SEMA3E: variants seen among roughly 807,000 people sequenced by gnomAD.
SEMA3E encodes semaphorin-3E.
A neutral mutation model predicts 93.6 loss-of-function variants in SEMA3E; 49 were observed. The ratio of observed to expected loss-of-function variants is 0.52; its 90% CI spans 0.42 to 0.66. SEMA3E has a LOEUF of 0.66. Among genes scored for constraint, SEMA3E ranks in the 30% least tolerant of loss-of-function variants. The probability of loss-of-function intolerance (pLI) is 0.00; values close to 1 mark genes in which losing one functional copy is unlikely to be tolerated. For missense variants in SEMA3E, 906 were observed against 964.8 expected (o/e 0.94, Z 0.81); for synonymous variants, 363 against 330.7 (o/e 1.10, Z -1.06).
chr7:83,379,587 C>T (rs1479976122), intron 16 of SEMA3E, among the ~76,000 whole-genome samples: 8 of 151,742 alleles, frequency 5.3e-5, no homozygotes. Context: ...TTTCCCCTTG[C>T]TTTTGGAGTT....
At chr7:83,512,335 G>A (rs545813057) in intron 1 of SEMA3E, among the ~76,000 whole-genome samples, 3 of 152,266 alleles carry the variant, frequency 2.0e-5, no homozygotes, top group Non-Finnish European at 4.4e-5. Context: ...GCAACCCCAC[G>A]TAAGCTGTAT....
chr7:83,641,328 T>C, intron 1 of SEMA3E: 1 of 966,866 alleles, frequency 1.0e-6, no homozygotes, highest in African/African-American at 1.8e-5. Context: ...ACCAGATATC[T>C]TACCTGTTCA....
intron 1 of SEMA3E, among the ~76,000 whole-genome samples, chr7:83,620,841 A>G (rs999700079): frequency 9.2e-5 from 14 of 152,162 alleles, no homozygotes; most frequent in African/African-American, 3.1e-4. Context: ...GAAGTAACAT[A>G]CCTCAAAATT....
chr7:83,432,581 T>C (rs1788911334), intron 4 of SEMA3E, among the ~76,000 whole-genome samples: 1 of 152,126 alleles, frequency 6.6e-6, no homozygotes, highest in African/African-American at 2.4e-5. Flanking sequence ...TAAGAGTCAT[T>C]GAAATGAAAA....
chr7:83,490,881 A>G (rs1562804897), intron 1 of SEMA3E, among the ~76,000 whole-genome samples: 1 of 152,074 alleles, frequency 6.6e-6, no homozygotes, highest in Non-Finnish European at 1.5e-5. Context: ...TTTTACCTAT[A>G]TACATGTAAG....
chr7:83,421,495 A>G lies in SEMA3E; in HGVS notation c.457-3012T>C, dbSNP rs926211449. Reference sequence around the variant, plus strand: ...TACTACAAGTGGTGTGGGTAAAAAAAGTAGTTTAGAAAAGTGACAATAAAA... The same window carrying G: ...TACTACAAGTGGTGTGGGTAAAAAAGGTAGTTTAGAAAAGTGACAATAAAA... On this transcript the variant is annotated intron_variant, in intron 4 of 16. Transcript: ENST00000643230. Among the ~76,000 whole-genome samples, 57 of 114,742 alleles carry G rather than the reference A, an allele frequency of 5.0e-4. 8 individuals are homozygous for G. The highest frequency in any genetic ancestry group is 1.5e-3 in the African/African-American group (54 of 37,168). The allele number at this position is 114,742 out of a possible 152,430, so 75.3% of individuals were successfully genotyped here.
intron 4 of SEMA3E, among the ~76,000 whole-genome samples, chr7:83,430,147 C>G (rs1040190050): frequency 3.3e-5 from 5 of 152,034 alleles, no homozygotes; most frequent in African/African-American, 7.2e-5. Context: ...AGAAAATAGA[C>G]TCTAATTGTC....
Position 83,478,003 on chromosome 7 carries a change from C to A in SEMA3E, c.277-8701G>T, listed in dbSNP as rs577259406. ...TGGCACAATCTCGGCTCACTGCAAC[C>A]TCCACCTCCCAGGTTCAAGTGATTC... On this transcript the variant is annotated intron_variant, in intron 2 of 16. Coordinates refer to ENST00000643230, the MANE Select transcript of SEMA3E (RefSeq NM_012431.3). Among the ~76,000 whole-genome samples, 63 of 152,060 alleles carry A rather than the reference C, an allele frequency of 4.1e-4. 2 individuals are homozygous for A. The South Asian group carries it at 0.01, about 25-fold the overall frequency.
rs145755630 is a variant in SEMA3E at position 83,413,243 on chromosome 7, A to G, written c.551-4756T>C. Among the ~76,000 whole-genome samples the G allele has an allele frequency of 4.1e-3, 624 of 152,182 alleles. 7 individuals are homozygous for G. Among genetic ancestry groups the G allele is most frequent in the African/African-American group, 0.014 (597 of 41,546 alleles). On this transcript the variant is annotated intron_variant, in intron 5 of 16. Transcript: ENST00000643230. ...TGGACTATATATTATCTGAGTTTTT[A>G]TTTACCATGTTGGATTTTAATTGTA...
At chr7:83,578,215 T>C (rs1250547065) in intron 1 of SEMA3E, among the ~76,000 whole-genome samples, 1 of 152,114 alleles carries the variant, frequency 6.6e-6, no homozygotes, top group Non-Finnish European at 1.5e-5. Context: ...AGATTTCTGA[T>C]ATTTAATTTG....
Position 83,545,828 on chromosome 7 carries a change from T to A in SEMA3E, c.116-55554A>T, listed in dbSNP as rs145756231. On this transcript the variant is annotated intron_variant, in intron 1 of 16. Transcript: ENST00000643230. ...ATATATCCAGTATTATATATATATATAATATATATCTCCAGTAGTATGACG... is the reference window on the plus strand; with the variant it reads ...ATATATCCAGTATTATATATATATAAAATATATATCTCCAGTAGTATGACG... Among the ~76,000 whole-genome samples, 372 of 147,112 alleles carry A rather than the reference T, an allele frequency of 2.5e-3. 1 individual carries two copies. Among genetic ancestry groups the A allele is most frequent in the African/African-American group, 8.8e-3 (355 of 40,456 alleles).
intron 1 of SEMA3E, among the ~76,000 whole-genome samples, chr7:83,633,583 A>G (rs186219192): frequency 6.6e-6 from 1 of 152,312 alleles, no homozygotes; most frequent in East Asian, 1.9e-4. Context: ...AGCAGAAGGA[A>G]AGATTATAAA....
Position 83,568,108 on chromosome 7 carries a change from A to C in SEMA3E, c.116-77834T>G, listed in dbSNP as rs116764000. 7.1e-3 allele frequency among the ~76,000 whole-genome samples: 1,082 copies of C among 152,200 alleles called. 11 individuals carry two copies. Among genetic ancestry groups the C allele is most frequent in the African/African-American group, 0.025 (1,024 of 41,560 alleles). On this transcript the variant is annotated intron_variant, in intron 1 of 16. Transcript: ENST00000643230. ...AAGGGATTATTATGAGCAACTATATACTAACAAACTGGAAACCTAGAAGAA... is the reference window on the plus strand; with the variant it reads ...AAGGGATTATTATGAGCAACTATATCCTAACAAACTGGAAACCTAGAAGAA...
chr7:83,466,378 C>T, intron 4 of SEMA3E, 104 bp downstream of exon 4: 1 of 1,383,774 alleles, frequency 7.2e-7, no homozygotes, highest in Non-Finnish European at 1.0e-6. Flanking sequence ...CAGTACATCG[C>T]AAATGCTTTT....
intron 1 of SEMA3E, chr7:83,641,350 G>A: frequency 1.0e-6 from 1 of 984,704 alleles, no homozygotes; most frequent in Non-Finnish European, 1.2e-6. Flanking sequence ...CTAAGGGAAG[G>A]CAAAGTGGGA....
At chr7:83,622,894 G>A (rs1475364092) in intron 1 of SEMA3E, among the ~76,000 whole-genome samples, 1 of 152,084 alleles carries the variant, frequency 6.6e-6, no homozygotes, top group Non-Finnish European at 1.5e-5. Flanking sequence ...TTAATACTTA[G>A]GTGATGTGTT....
chr7:83,613,595 C>T (rs1793307281), intron 1 of SEMA3E, among the ~76,000 whole-genome samples: 1 of 151,998 alleles, frequency 6.6e-6, no homozygotes, highest in Non-Finnish European at 1.5e-5. Context: ...GTATGATTAA[C>T]AAAGCTTTTG....
At chr7:83,370,817 C>T (rs2709967) in intron 16 of SEMA3E, among the ~76,000 whole-genome samples, 148,144 of 152,242 alleles carry the variant, frequency 0.97, 72,207 homozygotes, top group East Asian at 1. Flanking sequence ...ATTAAATTTC[C>T]TGTGTCATCT....
At chr7:83,387,990 T>A (rs1331779209) in intron 14 of SEMA3E, among the ~76,000 whole-genome samples, 1 of 146,442 alleles carries the variant, frequency 6.8e-6, no homozygotes, top group Non-Finnish European at 1.5e-5. Flanking sequence ...ATATATATTA[T>A]GTATATAATA....
Sources: gnomAD v4.1 joint callset for allele counts (sites outside exome capture counted in the v4.1 genomes callset) on GRCh38, gnomAD v4.1.1 for gene constraint, MANE v1.5 for transcripts, NCBI Gene and HGNC (gene_info 2026-07-23, HGNC 2026-07-21) for gene names.